Variants in ACAD9 observed in about 807,000 individuals in gnomAD.
ACAD9 encodes acyl-CoA dehydrogenase family member 9, also known as complex I assembly factor ACAD9, mitochondrial.
Under a neutral mutation model 70.2 loss-of-function variants are expected in ACAD9, and 53 were observed. The observed-to-expected ratio is 0.75, with a 90% CI of 0.61 to 0.95. ACAD9 has a LOEUF of 0.95. Ranked by LOEUF, ACAD9 falls within the 40% of genes least tolerant of loss-of-function variation. The probability of loss-of-function intolerance (pLI) is 0.00; values close to 1 mark genes in which losing one functional copy is unlikely to be tolerated. For missense variants in ACAD9, 777 were observed against 802.8 expected, an observed-to-expected ratio of 0.97 and a Z score of 0.39; for synonymous variants, 313 against 312.1, an observed-to-expected ratio of 1.00 and a Z score of -0.03.
intron 2 of ACAD9, among the ~76,000 whole-genome samples, chr3:128,886,618 G>C (rs901007701): frequency 6.6e-6 from 1 of 151,182 alleles, no homozygotes; most frequent in Non-Finnish European, 1.5e-5. Flanking sequence ...TGAGGCAGGA[G>C]AATCGCTGGA....
At chr3:128,909,640 T>G in intron 15 of ACAD9, 1 of 623,806 alleles carries the variant, frequency 1.6e-6, no homozygotes, top group Non-Finnish European at 2.8e-6. Context: ...TCTGCAGTGT[T>G]TTTCTGTGCA....
intron 2 of ACAD9, among the ~76,000 whole-genome samples, chr3:128,890,906 A>G (rs796762386): frequency 3.5e-4 from 51 of 147,522 alleles, no homozygotes; most frequent in African/African-American, 1.3e-3. Flanking sequence ...CAGTGGCGCT[A>G]TCTTGGCCCA....
intron 12 of ACAD9, among the ~76,000 whole-genome samples, chr3:128,907,567 G>A (rs1451333623): frequency 6.6e-6 from 1 of 152,158 alleles, no homozygotes; most frequent in Non-Finnish European, 1.5e-5. Flanking sequence ...TGCTGTCCGT[G>A]ATGTCAGCCT....
At chr3:128,885,301 A>G (rs1935213146) in intron 2 of ACAD9, among the ~76,000 whole-genome samples, 1 of 152,230 alleles carries the variant, frequency 6.6e-6, no homozygotes, top group Non-Finnish European at 1.5e-5. Context: ...GATGGACAGC[A>G]GGTCTTCCCT....
intron 7 of ACAD9, among the ~76,000 whole-genome samples, chr3:128,900,959 A>G (rs796255542): frequency 2.0e-5 from 3 of 152,188 alleles, no homozygotes; most frequent in African/African-American, 7.2e-5. Context: ...GCTAAATGTC[A>G]CCTTAGAAAA....
At chr3:128,906,314 GCTCAGGGC>G in intron 12 of ACAD9, 65 bp downstream of exon 12, 1 of 1,604,948 alleles carries the variant, frequency 6.2e-7, no homozygotes, top group South Asian at 1.1e-5. Flanking sequence ...TAAAGATGCT[GCTCAGGGC>G]CTCGCAGAGG....
In ACAD9 at chr3:128,913,032, T is replaced by TAAACTAGAAGC. The variant is rs1936520965; in HGVS notation, c.*427_*437dup. 1 of 457,124 alleles carries TAAACTAGAAGC rather than the reference T, an allele frequency of 2.2e-6. No individual in the cohort carries two copies. Among genetic ancestry groups the TAAACTAGAAGC allele is most frequent in the Admixed American group, 2.3e-5 (1 of 42,642 alleles). 28.3% of individuals were successfully genotyped at this position (457,124 alleles called of 1,614,324 possible). A position where few individuals can be genotyped will look rare whatever the true frequency, so the allele number is the denominator to read the frequency against. On this transcript the variant is annotated 3_prime_UTR_variant, in exon 18 of 18. Transcript: ENST00000308982. ...GAAAGCTCTGTCTGGGTCATTCATT[T>TAAACTAGAAGC]AAACTAGAAGCAGAGGCACTTAAAA...
chr3:128,909,874 C>T, intron 15 of ACAD9, 147 bp from the exon 16 acceptor site: 4 of 1,177,948 alleles, frequency 3.4e-6, no homozygotes, highest in Non-Finnish European at 4.9e-6. Flanking sequence ...GAGCCGTTCT[C>T]CCACAACCTG....
At chr3:128,882,410 A>C (rs1935121824) in intron 1 of ACAD9, among the ~76,000 whole-genome samples, 1 of 152,016 alleles carries the variant, frequency 6.6e-6, no homozygotes, top group Non-Finnish European at 1.5e-5. Context: ...ATTCCACAGA[A>C]GATCTGGTTT....
At chr3:128,883,608 G>A (rs924872668) in intron 1 of ACAD9, among the ~76,000 whole-genome samples, 2 of 151,840 alleles carry the variant, frequency 1.3e-5, no homozygotes, top group African/African-American at 2.4e-5. Context: ...CGCCCGCCTC[G>A]GCCTCCCAAA....
At chr3:128,884,580 C>T (rs1470827334) in intron 1 of ACAD9, 73 bp from the exon 2 acceptor site, 3 of 1,130,874 alleles carry the variant, frequency 2.7e-6, no homozygotes, top group African/African-American at 1.6e-5. Context: ...TTTTTCCTTC[C>T]CTTTTAACTG....
chr3:128,912,668 T>C lies in ACAD9; in HGVS notation c.*61T>C, dbSNP rs1936473838. On this transcript the variant is annotated 3_prime_UTR_variant, in exon 18 of 18. Coordinates refer to ENST00000308982, the MANE Select transcript of ACAD9 (RefSeq NM_014049.5). ...TACCCATGGCCCGTTGCTGGATGACTGTTACTCTTTTTTCAGAAGGTGTTG... is the reference window on the plus strand; with the variant it reads ...TACCCATGGCCCGTTGCTGGATGACCGTTACTCTTTTTTCAGAAGGTGTTG... 1 of 1,386,728 alleles carries C rather than the reference T, an allele frequency of 7.2e-7. No individual in the cohort carries two copies. The allele number at this position is 1,386,728 out of a possible 1,614,324, so 85.9% of individuals were successfully genotyped here.
chr3:128,884,390 C>G (rs1935184591), intron 1 of ACAD9, among the ~76,000 whole-genome samples: 1 of 152,058 alleles, frequency 6.6e-6, no homozygotes, highest in Admixed American at 6.6e-5. Flanking sequence ...TATTATCATC[C>G]CTTGTACTGA....
intron 2 of ACAD9, among the ~76,000 whole-genome samples, chr3:128,891,577 C>T (rs1050135922): frequency 6.6e-6 from 1 of 152,220 alleles, no homozygotes; most frequent in Non-Finnish European, 1.5e-5. Context: ...GCTGAGATCA[C>T]ATCACTGTAC....
At chr3:128,905,193 T>A (rs1398757467) in intron 11 of ACAD9, among the ~76,000 whole-genome samples, 1 of 152,108 alleles carries the variant, frequency 6.6e-6, no homozygotes, top group Non-Finnish European at 1.5e-5. Context: ...CTGGGCAACA[T>A]GGCGAAACCC....
At chr3:128,880,541 T>G (rs1218114151) in intron 1 of ACAD9, among the ~76,000 whole-genome samples, 1 of 122,950 alleles carries the variant, frequency 8.1e-6, no homozygotes, top group Non-Finnish European at 1.6e-5. Flanking sequence ...TACAGGCGCC[T>G]GCCCGGCTTT....
chr3:128,891,765 G>C (rs1393334547), intron 2 of ACAD9, among the ~76,000 whole-genome samples: 2 of 152,162 alleles, frequency 1.3e-5, no homozygotes, highest in African/African-American at 2.4e-5. Context: ...TCCATTCTTT[G>C]TTCCTTTGTA....
rs139618477 is a variant in ACAD9, at chr3:128,906,785, G to A, written c.1278+536G>A. On this transcript the variant is annotated intron_variant, in intron 12 of 17. Coordinates refer to ENST00000308982, the MANE Select transcript of ACAD9 (RefSeq NM_014049.5). ...GAGCAGCAGTCAGCCCTGCTAGGTGGGCTGGGGCAGGCAGTGGGTTTGGGG... is the reference window on the plus strand; with the variant it reads ...GAGCAGCAGTCAGCCCTGCTAGGTGAGCTGGGGCAGGCAGTGGGTTTGGGG... 4.4e-3 allele frequency among the ~76,000 whole-genome samples: 665 copies of A among 152,276 alleles called. 9 individuals are homozygous for A. Among genetic ancestry groups the A allele is most frequent in the South Asian group, 0.036 (173 of 4,828 alleles).
At chr3:128,903,419 T>C (rs1324221159) in intron 9 of ACAD9, among the ~76,000 whole-genome samples, 1 of 152,212 alleles carries the variant, frequency 6.6e-6, no homozygotes, top group Non-Finnish European at 1.5e-5. Context: ...ACAAGGCCTC[T>C]GGGGAGCTCC....
Sources: allele counts gnomAD v4.1 joint callset (sites outside exome capture counted in the v4.1 genomes callset), GRCh38; gene constraint gnomAD v4.1.1; transcripts MANE v1.5; gene names NCBI Gene and HGNC (gene_info 2026-07-23, HGNC 2026-07-21).